The following NR1H3 variants were observed in gnomAD, a reference collection of about 807,000 sequenced individuals.
NR1H3 encodes oxysterols receptor LXR-alpha.
Under a neutral mutation model 48.1 loss-of-function variants are expected in NR1H3, and 19 were observed. That is an observed-to-expected ratio of 0.40 (90% confidence interval 0.28 to 0.58). The LOEUF (loss-of-function observed/expected upper bound fraction) is 0.58, where lower values mean the gene tolerates loss of function less well. NR1H3 is among the 20% of genes least tolerant of loss of function. NR1H3 has a pLI of 0.50. For synonymous variants in NR1H3, 232 were observed against 227.3 expected (o/e 1.02, Z -0.19); for missense variants, 486 against 595.9 (o/e 0.82, Z 1.92).
At chr11:47,258,256 G>A in intron 1 of NR1H3, 127 bp downstream of exon 1, 1 of 949,412 alleles carries the variant, frequency 1.1e-6, no homozygotes, top group Non-Finnish European at 1.3e-6. Flanking sequence ...ATGGAAGCTT[G>A]GGACAGGAGC....
At chr11:47,250,144 C>T (rs1954518799) in intron 1 of NR1H3, among the ~76,000 whole-genome samples, 1 of 152,032 alleles carries the variant, frequency 6.6e-6, no homozygotes, top group African/African-American at 2.4e-5. Context: ...TGGTGGCTCA[C>T]GTTTCTAATC....
In NR1H3 at chr11:47,260,002, G is replaced by A; in HGVS notation, c.232+23G>A. ...CAGGTGAGGAGCTTCTGGGTTTGGA[G>A]GAGGTAGGGGTCCAGATTCCAGGTC... On this transcript the variant is annotated intron_variant, in intron 3 of 9. Transcript: ENST00000441012. 3 of 1,486,240 alleles carry A rather than the reference G, an allele frequency of 2.0e-6. No individual in the cohort carries two copies. The South Asian group carries it at 4.2e-5, about 21-fold the overall frequency. The allele number at this position is 1,486,240 out of a possible 1,614,324, so 92.1% of individuals were successfully genotyped here.
At chr11:47,261,066 G>C (rs576453882) in intron 4 of NR1H3, among the ~76,000 whole-genome samples, 175 bp from the exon 5 acceptor site, 11 of 145,014 alleles carry the variant, frequency 7.6e-5, no homozygotes, top group African/African-American at 2.9e-4. Context: ...GCCTGAGCAA[G>C]TGTGAGACTC....
intron 8 of NR1H3, 101 bp downstream of exon 8, chr11:47,268,127 G>C: frequency 8.7e-7 from 1 of 1,147,220 alleles, no homozygotes; most frequent in Non-Finnish European, 1.3e-6. Context: ...GGCTTGGGAG[G>C]GTGGAGGCAT....
chr11:47,263,609 T>C (rs1301839668), intron 7 of NR1H3, among the ~76,000 whole-genome samples: 2 of 147,956 alleles, frequency 1.4e-5, no homozygotes, highest in Non-Finnish European at 3.0e-5. Flanking sequence ...TTCTTTTCTT[T>C]TTTTTTTTTT....
intron 1 of NR1H3, chr11:47,258,399 A>G (rs781047943): frequency 1.8e-5 from 3 of 166,732 alleles, no homozygotes; most frequent in Non-Finnish European, 2.5e-5. Context: ...TCTAATAAGC[A>G]GCGTGTTTCA....
chr11:47,260,695 G>A lies in NR1H3; in HGVS notation c.499+20G>A. On this transcript the variant is annotated intron_variant, in intron 4 of 9. Transcript: ENST00000441012. The stretch of plus-strand genomic sequence containing the variant: ...AGGAGTGTGAGTTTCTGGGGCTGGA[G>A]TGGGGAAGAGGCTGAGGGGAAAGAG... 1 of 1,578,034 alleles carries A rather than the reference G, an allele frequency of 6.3e-7. No individual in the cohort carries two copies. Among genetic ancestry groups the A allele is most frequent in the Non-Finnish European group, 8.6e-7 (1 of 1,167,598 alleles).
In NR1H3 at chr11:47,261,404, G is replaced by A; in HGVS notation, c.663G>A (p.Gln221=). ...TGATCGAGAAGCTCGTCGCTGCCCA[G>A]CAACAGTGTAACCGGCGCTCCTTTT... ...LGMIEKLVAA[Q]QQCNRRSFSD... is the part of the protein sequence containing the mutation. The change falls in exon 5 of 10, where the codon CAG becomes CAA. Residue 221 remains glutamine (Q), a synonymous_variant. Transcript: ENST00000441012. 6.2e-7 allele frequency: 1 copy of A among 1,614,164 alleles called. No homozygotes were observed. Among genetic ancestry groups the A allele is most frequent in the Non-Finnish European group, 8.5e-7 (1 of 1,180,038 alleles).
At chr11:47,250,379 C>G (rs1485409292) in intron 1 of NR1H3, 1 of 152,010 alleles carries the variant, frequency 6.6e-6, no homozygotes, top group Non-Finnish European at 1.5e-5. Context: ...CAACTGCACT[C>G]CAGTCTAGAT....
chr11:47,266,289 T>G (rs1291433046), intron 7 of NR1H3, among the ~76,000 whole-genome samples: 1 of 151,912 alleles, frequency 6.6e-6, no homozygotes, highest in Non-Finnish European at 1.5e-5. Context: ...GTGATCCTCC[T>G]TGAGTAGCTG....
chr11:47,258,237 G>C, intron 1 of NR1H3, 108 bp downstream of exon 1: 1 of 974,688 alleles, frequency 1.0e-6, no homozygotes, highest in South Asian at 4.7e-5. Flanking sequence ...GAAGTGAGGG[G>C]TGATGGTGAT....
chr11:47,250,047 C>T (rs1381783221), intron 1 of NR1H3, among the ~76,000 whole-genome samples: 3 of 152,128 alleles, frequency 2.0e-5, no homozygotes, highest in Admixed American at 2.0e-4. Context: ...TTGCAGTGAG[C>T]TGAGATCACG....
Position 47,268,792 on chromosome 11 carries a change from C to A in NR1H3, c.*96C>A. The A allele has an allele frequency of 6.8e-7, 1 of 1,461,160 alleles. No individual in the cohort carries two copies. The highest frequency in any genetic ancestry group is 1.3e-5 in the South Asian group (1 of 78,130). 90.5% of individuals were successfully genotyped at this position (1,461,160 alleles called of 1,614,324 possible). A position where few individuals can be genotyped will look rare whatever the true frequency, so the allele number is the denominator to read the frequency against. The stretch of plus-strand genomic sequence containing the variant: ...GAACAGACTGAGAAGGGCAAACATT[C>A]CTGGGAGCTGGGCAAGGAGATCCTC... On this transcript the variant is annotated 3_prime_UTR_variant, in exon 10 of 10. Coordinates refer to ENST00000441012, the MANE Select transcript of NR1H3 (RefSeq NM_005693.4).
At chr11:47,253,445 C>T (rs1206407095), upstream of NR1H3, among the ~76,000 whole-genome samples, 1 of 152,080 alleles carries the variant, frequency 6.6e-6, no homozygotes, top group African/African-American at 2.4e-5. Flanking sequence ...TCTGGGAATC[C>T]AGGTTTCTGG....
upstream of NR1H3, among the ~76,000 whole-genome samples, chr11:47,256,379 C>G (rs1955177517): frequency 6.6e-6 from 1 of 152,160 alleles, no homozygotes; most frequent in African/African-American, 2.4e-5. Flanking sequence ...CTCAACTATT[C>G]TTATTTTAAA....
At chr11:47,249,482 C>T (rs1364258364) in intron 1 of NR1H3, among the ~76,000 whole-genome samples, 1 of 152,172 alleles carries the variant, frequency 6.6e-6, no homozygotes, top group Non-Finnish European at 1.5e-5. Flanking sequence ...CATGCCTCTT[C>T]CCAAAGGAGT....
chr11:47,261,395 C>A lies in NR1H3; in HGVS notation c.654C>A (p.Val218=). The A allele has an allele frequency of 6.2e-7, 1 of 1,614,160 alleles. No homozygotes were observed. The highest frequency in any genetic ancestry group is 8.5e-7 in the Non-Finnish European group (1 of 1,180,040). The change falls in exon 5 of 10, where the codon GTC becomes GTA. Residue 218 remains valine (V), a synonymous_variant. Transcript: ENST00000441012. ...PEQLGMIEKL[V]AAQQQCNRRS... ...AACTGGGCATGATCGAGAAGCTCGT[C>A]GCTGCCCAGCAACAGTGTAACCGGC... is the stretch of plus-strand genomic sequence containing the variant.
In NR1H3 at chr11:47,260,391, G is replaced by T. The variant is rs761438448; in HGVS notation, c.233-18G>T. 1.3e-6 allele frequency: 2 copies of T among 1,598,284 alleles called. No individual in the cohort carries two copies. The highest frequency in any genetic ancestry group is 1.3e-5 in the African/African-American group (1 of 74,580). On this transcript the variant is annotated intron_variant, in intron 3 of 9. Transcript: ENST00000441012. ...TTTTTCCTCGGGGGAGAGCGTTGAA[G>T]CACTTTCCTGTATCCAGAGATCCGT... is the stretch of plus-strand genomic sequence containing the variant.
upstream of NR1H3, among the ~76,000 whole-genome samples, chr11:47,255,019 G>C (rs1240906131): frequency 6.6e-6 from 1 of 152,224 alleles, no homozygotes; most frequent in African/African-American, 2.4e-5. Flanking sequence ...CCGGTGAGCA[G>C]GAAACTGGGA....
Sources: gnomAD v4.1 joint callset for allele counts (sites outside exome capture counted in the v4.1 genomes callset) on GRCh38, gnomAD v4.1.1 for gene constraint, MANE v1.5 for transcripts, NCBI Gene and HGNC (gene_info 2026-07-23, HGNC 2026-07-21) for gene names.